The following ZNF618 variants were observed in gnomAD, a reference collection of about 807,000 sequenced individuals.
ZNF618 encodes neural precursor cell expressed, developmentally down-regulated 10.
Under a neutral mutation model 103.0 loss-of-function variants are expected in ZNF618, and 34 were observed. The observed-to-expected ratio is 0.33, with a 90% CI of 0.25 to 0.44. ZNF618 has a LOEUF of 0.44. Among genes scored for constraint, ZNF618 ranks in the 20% least tolerant of loss-of-function variants. The probability of loss-of-function intolerance (pLI) is 1.00; values close to 1 mark genes in which losing one functional copy is unlikely to be tolerated. For synonymous variants in ZNF618, 551 were observed against 542.2 expected (o/e 1.02, Z -0.23); for missense variants, 1,059 against 1,295.4 (o/e 0.82, Z 2.80).
chr9:114,026,725 T>C (rs936168053), intron 10 of ZNF618, among the ~76,000 whole-genome samples: 2 of 152,226 alleles, frequency 1.3e-5, no homozygotes, highest in African/African-American at 2.4e-5. Context: ...GTTTTTTTAA[T>C]CTCTGAAAAA....
At chr9:114,006,465 G>A (rs1035787536) in intron 6 of ZNF618, among the ~76,000 whole-genome samples, 3 of 152,214 alleles carry the variant, frequency 2.0e-5, no homozygotes, top group Non-Finnish European at 4.4e-5. Context: ...TCGTGCCAGT[G>A]CAAACGTTAG....
At chr9:114,026,966 C>T (rs959581848) in intron 10 of ZNF618, among the ~76,000 whole-genome samples, 2 of 152,132 alleles carry the variant, frequency 1.3e-5, no homozygotes, top group Non-Finnish European at 1.5e-5. Context: ...TTGCCTCACT[C>T]CAGACTCAAG....
At chr9:113,987,461 C>A (rs1211767768) in intron 2 of ZNF618, among the ~76,000 whole-genome samples, 2 of 152,198 alleles carry the variant, frequency 1.3e-5, no homozygotes, top group Non-Finnish European at 2.9e-5. Context: ...AAAGAGCCCC[C>A]TCCATGCCAC....
At chr9:113,971,309 C>G (rs1373099525) in intron 2 of ZNF618, among the ~76,000 whole-genome samples, 1 of 152,028 alleles carries the variant, frequency 6.6e-6, no homozygotes, top group African/African-American at 2.4e-5. Flanking sequence ...TGCTTAGGGG[C>G]GTATAATGAG....
rs774265684 is a variant in ZNF618 at position 114,050,189 on chromosome 9, AAAAG to A, written c.*26_*29del. 7.9e-6 allele frequency: 12 copies of A among 1,520,742 alleles called. No homozygotes were observed. In the East Asian group the frequency reaches 2.5e-4, roughly 32 times the overall value. 94.2% of individuals were successfully genotyped at this position (1,520,742 alleles called of 1,614,324 possible). A position where few individuals can be genotyped will look rare whatever the true frequency, so the allele number is the denominator to read the frequency against. On this transcript the variant is annotated 3_prime_UTR_variant, in exon 15 of 15. Transcript: ENST00000374126. ...TTAAGACTTGACTTCGGGGGAAAAA[AAAAG>A]AAAAAGAGAAGATAACATTAGAAAA...
At position 113,988,354 on chromosome 9, in the gene ZNF618, G is replaced by C. The variant is rs1399120111; in HGVS notation, c.111G>C (p.Lys37Asn). 2 of 1,613,234 alleles carry C rather than the reference G, an allele frequency of 1.2e-6. No homozygotes were observed. Among genetic ancestry groups the C allele is most frequent in the South Asian group, 2.2e-5 (2 of 91,066 alleles). Reference sequence around the variant, plus strand: ...TGAAGCGCAGCCAGAAGAGCACCAAGGTGGAGGGCCCAGAGCCAGTGCCAG... The same window carrying C: ...TGAAGCGCAGCCAGAAGAGCACCAACGTGGAGGGCCCAGAGCCAGTGCCAG... ...ERLKRSQKST[K>N]VEGPEPVPAE... Residue 37 changes from lysine to asparagine, a missense_variant, in exon 3 of 15, where the codon AAG (lysine) becomes AAC (asparagine). Around this residue, in one of 6 missense-constraint regions of ZNF618, gnomAD observed 194 missense variants for 209.0 expected, o/e 0.93. Transcript: ENST00000374126.
intron 5 of ZNF618, 84 bp from the exon 6 acceptor site, chr9:114,002,540 T>C: frequency 6.8e-7 from 1 of 1,477,110 alleles, no homozygotes; most frequent in South Asian, 1.2e-5. Flanking sequence ...CCCCTGTGGC[T>C]TCCATGTTCT....
At chr9:114,046,623 G>A (rs1845680551) in intron 13 of ZNF618, among the ~76,000 whole-genome samples, 1 of 152,178 alleles carries the variant, frequency 6.6e-6, no homozygotes, top group African/African-American at 2.4e-5. Flanking sequence ...CCTGATCTTA[G>A]GGAGAAAGCT....
rs139293375 is a variant in ZNF618, at chr9:113,964,504, G to A, written c.34-4613G>A. 8.1e-3 allele frequency among the ~76,000 whole-genome samples: 1,235 copies of A among 151,736 alleles called. 19 individuals are homozygous for A. The highest frequency in any genetic ancestry group is 0.028 in the African/African-American group (1,172 of 41,338). ...CCTCACCGCTTCCCGGGCAATGAAG[G>A]GAGGAAATTTTTACCAGAAATTCCT... is the stretch of plus-strand genomic sequence containing the variant. On this transcript the variant is annotated intron_variant, in intron 1 of 14. Coordinates refer to ENST00000374126, the MANE Select transcript of ZNF618 (RefSeq NM_001318042.2).
chr9:113,957,728 T>C (rs1836442708), intron 1 of ZNF618, among the ~76,000 whole-genome samples: 2 of 152,108 alleles, frequency 1.3e-5, no homozygotes, highest in Non-Finnish European at 2.9e-5. Context: ...TGTCCCTGAA[T>C]TCTGGGTTCA....
At chr9:113,985,032 C>T (rs1839335105) in intron 2 of ZNF618, among the ~76,000 whole-genome samples, 1 of 152,170 alleles carries the variant, frequency 6.6e-6, no homozygotes, top group African/African-American at 2.4e-5. Context: ...CCCCTGCCCG[C>T]CATAAAAAAG....
intron 1 of ZNF618, among the ~76,000 whole-genome samples, chr9:113,939,301 G>T (rs1167858924): frequency 6.6e-6 from 1 of 152,010 alleles, no homozygotes; most frequent in Non-Finnish European, 1.5e-5. Context: ...GTTTGTTGTT[G>T]TTGTTGTTGT....
chr9:114,020,345 C>CA (rs35597744), intron 10 of ZNF618, among the ~76,000 whole-genome samples: 43,041 of 151,744 alleles, frequency 0.28, 7,742 homozygotes, highest in East Asian at 0.6. Context: ...TAATTTCTAC[C>CA]AAAAAAATGC....
chr9:113,973,598 C>T (rs1275333879), intron 2 of ZNF618, among the ~76,000 whole-genome samples: 1 of 152,124 alleles, frequency 6.6e-6, no homozygotes, highest in Non-Finnish European at 1.5e-5. Flanking sequence ...AGGTTAATGT[C>T]GATCTGGTGT....
intron 1 of ZNF618, among the ~76,000 whole-genome samples, chr9:113,949,992 C>T (rs983541909): frequency 6.6e-6 from 1 of 152,022 alleles, no homozygotes; most frequent in African/African-American, 2.4e-5. Flanking sequence ...ATTTTATCTG[C>T]CCCCCTCAAA....
At chr9:113,948,934 G>T (rs962669103) in intron 1 of ZNF618, among the ~76,000 whole-genome samples, 1 of 152,254 alleles carries the variant, frequency 6.6e-6, no homozygotes, top group Non-Finnish European at 1.5e-5. Flanking sequence ...GAAACTGGGA[G>T]TTTGCTATGA....
chr9:113,952,394 T>C (rs1362497539), intron 1 of ZNF618, among the ~76,000 whole-genome samples: 1 of 152,194 alleles, frequency 6.6e-6, no homozygotes, highest in East Asian at 1.9e-4. Flanking sequence ...TTGATTTTTT[T>C]CCCCACTGGG....
At position 113,921,085 on chromosome 9, in the gene ZNF618, G is replaced by A. The variant is rs1035743242; in HGVS notation, c.33+44672G>A. On this transcript the variant is annotated intron_variant, in intron 1 of 14. Coordinates refer to ENST00000374126, the MANE Select transcript of ZNF618 (RefSeq NM_001318042.2). ...TCTTAGAACCTGACACAGATCAGAT[G>A]TTGAATACCTTTGCTATTTTAAAAA... Among the ~76,000 whole-genome samples, 6 of 152,220 alleles carry A rather than the reference G, an allele frequency of 3.9e-5. No homozygotes were observed. In the East Asian group the frequency reaches 1.2e-3, roughly 29 times the overall value.
chr9:113,997,728 C>G (rs1404070813), intron 3 of ZNF618, among the ~76,000 whole-genome samples: 1 of 152,188 alleles, frequency 6.6e-6, no homozygotes, highest in Non-Finnish European at 1.5e-5. Context: ...GAAGTGAGCC[C>G]AGACAGGTGG....
Sources: gnomAD v4.1 joint callset for allele counts (sites outside exome capture counted in the v4.1 genomes callset) on GRCh38, gnomAD v4.1.1 for gene constraint, gnomAD v4.1.1 regional missense constraint, MANE v1.5 for transcripts, NCBI Gene and HGNC (gene_info 2026-07-23, HGNC 2026-07-21) for gene names.